The following ADAMTS6 variants were observed in gnomAD, a reference collection of about 807,000 sequenced individuals.
ADAMTS6 encodes ADAM metallopeptidase with thrombospondin type 1 motif 6.
In ADAMTS6, 23 loss-of-function variants were observed where a neutral mutation model predicts 144.3. The ratio of observed to expected loss-of-function variants is 0.16; its 90% CI spans 0.11 to 0.23. ADAMTS6 has a LOEUF of 0.23. Ranked by LOEUF, ADAMTS6 falls within the 10% of genes least tolerant of loss-of-function variation. ADAMTS6 has a pLI of 1.00. For synonymous variants in ADAMTS6, 444 were observed against 457.5 expected (o/e 0.97, Z 0.38); for missense variants, 999 against 1,379.6 (o/e 0.72, Z 4.37).
chr5:65,196,626 C>T (rs1755400054), intron 21 of ADAMTS6, among the ~76,000 whole-genome samples: 1 of 142,654 alleles, frequency 7.0e-6, no homozygotes, highest in Non-Finnish European at 1.5e-5. Context: ...TTTATTACAT[C>T]TAAGACTTTT....
At chr5:65,467,317 G>A (rs1760104909) in intron 3 of ADAMTS6, among the ~76,000 whole-genome samples, 1 of 151,822 alleles carries the variant, frequency 6.6e-6, no homozygotes, top group Non-Finnish European at 1.5e-5. Flanking sequence ...TCTCTAAGCT[G>A]AAGGAGGGTC....
intron 2 of ADAMTS6, 95 bp downstream of exon 2, chr5:65,473,482 C>CA (rs569085448): frequency 1.7e-4 from 184 of 1,092,368 alleles, no homozygotes; most frequent in Non-Finnish European, 2.2e-4. Flanking sequence ...CTACATATCC[C>CA]AAAAAAAACT....
chr5:65,437,009 G>A (rs976707478), intron 7 of ADAMTS6, among the ~76,000 whole-genome samples: 1 of 152,164 alleles, frequency 6.6e-6, no homozygotes, highest in Non-Finnish European at 1.5e-5. Context: ...CACATGGCCG[G>A]GGAGGCCTTA....
At chr5:65,229,177 G>A (rs1000814103) in intron 15 of ADAMTS6, among the ~76,000 whole-genome samples, 2 of 152,314 alleles carry the variant, frequency 1.3e-5, no homozygotes, top group South Asian at 2.1e-4. Flanking sequence ...CTCAGCACCT[G>A]GTCCAGCTTT....
intron 14 of ADAMTS6, among the ~76,000 whole-genome samples, chr5:65,250,494 G>A (rs1049079998): frequency 6.6e-6 from 1 of 152,118 alleles, no homozygotes; most frequent in Admixed American, 6.6e-5. Flanking sequence ...TACTCCTCTA[G>A]CAGAGCTGAC....
intron 13 of ADAMTS6, 141 bp downstream of exon 13, chr5:65,262,676 T>C (rs1279810139): frequency 2.2e-5 from 21 of 935,978 alleles, no homozygotes; most frequent in Non-Finnish European, 3.0e-5. Context: ...GCTCCTCCAC[T>C]TTCCTGTGCC....
chr5:65,390,023 A>C (rs762880680), intron 7 of ADAMTS6, among the ~76,000 whole-genome samples: 5 of 152,198 alleles, frequency 3.3e-5, no homozygotes, highest in Non-Finnish European at 5.9e-5. Flanking sequence ...ATTAGGGCTT[A>C]ACAGATTATA....
intron 7 of ADAMTS6, among the ~76,000 whole-genome samples, chr5:65,396,785 A>G (rs183003105): frequency 6.6e-6 from 1 of 152,350 alleles, no homozygotes; most frequent in African/African-American, 2.4e-5. Context: ...CATAAGAGAT[A>G]TTGGTCTGCA....
intron 7 of ADAMTS6, among the ~76,000 whole-genome samples, chr5:65,343,509 A>G (rs1262346163): frequency 6.6e-6 from 1 of 152,116 alleles, no homozygotes; most frequent in Non-Finnish European, 1.5e-5. Context: ...GAATGAAACC[A>G]GACCCCCACT....
At chr5:65,378,532 A>AT (rs1393099430) in intron 7 of ADAMTS6, among the ~76,000 whole-genome samples, 1 of 152,164 alleles carries the variant, frequency 6.6e-6, no homozygotes, top group Non-Finnish European at 1.5e-5. Context: ...GTGAAATTAC[A>AT]TAATTCTCTT....
At chr5:65,310,260 C>A (rs1165221684) in intron 9 of ADAMTS6, among the ~76,000 whole-genome samples, 1 of 152,012 alleles carries the variant, frequency 6.6e-6, no homozygotes, top group Non-Finnish European at 1.5e-5. Context: ...GAACCGTGAG[C>A]CAATTAAGTT....
chr5:65,248,107 A>C (rs1363212193), intron 14 of ADAMTS6, among the ~76,000 whole-genome samples: 2 of 152,188 alleles, frequency 1.3e-5, no homozygotes, highest in African/African-American at 4.8e-5. Flanking sequence ...CCTTGCTTCT[A>C]TACCCTCTTT....
intron 9 of ADAMTS6, among the ~76,000 whole-genome samples, chr5:65,321,708 C>T (rs1396532038): frequency 1.1e-4 from 9 of 78,886 alleles, no homozygotes; most frequent in Non-Finnish European, 1.6e-4. Context: ...TTTTCTTTTC[C>T]TTTTTTTTTT....
intron 15 of ADAMTS6, among the ~76,000 whole-genome samples, chr5:65,241,630 A>G (rs1462342362): frequency 6.6e-6 from 1 of 152,182 alleles, no homozygotes; most frequent in Non-Finnish European, 1.5e-5. Flanking sequence ...CAAATTAAAG[A>G]GCAAAAATGT....
chr5:65,255,317 G>A (rs188582862), intron 14 of ADAMTS6, among the ~76,000 whole-genome samples: 127 of 151,996 alleles, frequency 8.4e-4, no homozygotes, highest in African/African-American at 3.0e-3. Context: ...GGTGCTGTTT[G>A]GTTACATGCC....
intron 18 of ADAMTS6, among the ~76,000 whole-genome samples, chr5:65,217,705 A>C (rs578236593): frequency 6.6e-6 from 1 of 152,278 alleles, no homozygotes; most frequent in Admixed American, 6.5e-5. Flanking sequence ...ATGTACCCTT[A>C]TTTTTAAAAG....
chr5:65,163,938 T>C (rs7737700), intron 24 of ADAMTS6, among the ~76,000 whole-genome samples: 1 of 152,096 alleles, frequency 6.6e-6, no homozygotes, highest in Non-Finnish European at 1.5e-5. Context: ...TAACAGATTT[T>C]AAAAAGTCAC....
rs1195788626 is a variant in ADAMTS6, at chr5:65,164,443, G to C, written c.3244+6174C>G. ...TGAGATCAAATTGCAAGGCGGCAGC[G>C]AGGCTGGGGGAGGGGCGCCCGCCAT... On this transcript the variant is annotated intron_variant, in intron 24 of 24. Coordinates refer to ENST00000381055, the MANE Select transcript of ADAMTS6 (RefSeq NM_197941.4). Among the ~76,000 whole-genome samples the C allele has an allele frequency of 8.2e-5, 12 of 146,608 alleles. No homozygotes were observed. In the East Asian group the frequency reaches 1.0e-3, roughly 12 times the overall value.
chr5:65,341,580 A>G (rs55696168), intron 7 of ADAMTS6, among the ~76,000 whole-genome samples: 17,203 of 152,088 alleles, frequency 0.11, 1,042 homozygotes, highest in African/African-American at 0.15. Flanking sequence ...CTATATTCCA[A>G]TAAATGTGAA....
Sources: gnomAD v4.1 joint callset for allele counts (sites outside exome capture counted in the v4.1 genomes callset) on GRCh38, gnomAD v4.1.1 for gene constraint, MANE v1.5 for transcripts, NCBI Gene and HGNC (gene_info 2026-07-23, HGNC 2026-07-21) for gene names.